Variants in MAP3K13 observed in about 807,000 individuals in gnomAD.
MAP3K13 encodes leucine zipper-bearing kinase.
A neutral mutation model predicts 104.0 loss-of-function variants in MAP3K13; 52 were observed. The ratio of observed to expected loss-of-function variants is 0.50; its 90% CI spans 0.40 to 0.63. The LOEUF (loss-of-function observed/expected upper bound fraction) is 0.63. Among genes scored for constraint, MAP3K13 ranks in the 20% least tolerant of loss-of-function variants. The probability of loss-of-function intolerance (pLI) is 0.00; values close to 1 mark genes in which losing one functional copy is unlikely to be tolerated. For synonymous variants in MAP3K13, 394 were observed against 442.2 expected (o/e 0.89, Z 1.37); for missense variants, 914 against 1,218.5 (o/e 0.75, Z 3.72).
At chr3:185,341,009 A>G (rs139564426) in intron 2 of MAP3K13, among the ~76,000 whole-genome samples, 7 of 147,532 alleles carry the variant, frequency 4.7e-5, no homozygotes, top group African/African-American at 1.5e-4. Context: ...TAACTTAACT[A>G]ATGTAATACT....
intron 2 of MAP3K13, among the ~76,000 whole-genome samples, chr3:185,432,178 C>G (rs1048058152): frequency 4.4e-5 from 6 of 137,762 alleles, no homozygotes; most frequent in African/African-American, 1.6e-4. Context: ...ATAACCATTT[C>G]TAATTGCTTT....
chr3:185,396,573 AATGAAATTAAAATGT>A (rs1455940500), intron 1 of MAP3K13, among the ~76,000 whole-genome samples: 1 of 152,198 alleles, frequency 6.6e-6, no homozygotes, highest in East Asian at 1.9e-4. Context: ...ATGAGGCTCA[AATGAAATTAAAATGT>A]ATGAAATTAC....
At chr3:185,383,375 C>A (rs56796831) in intron 1 of MAP3K13, among the ~76,000 whole-genome samples, 13,468 of 151,782 alleles carry the variant, frequency 0.089, 985 homozygotes, top group African/African-American at 0.19. Flanking sequence ...TGGGTATATA[C>A]CAGTAATGGG....
Position 185,482,399 on chromosome 3 carries a change from G to A in MAP3K13, c.2844G>A (p.Gly948=). 9.3e-6 allele frequency: 15 copies of A among 1,614,068 alleles called. No homozygotes were observed. Among genetic ancestry groups the A allele is most frequent in the Non-Finnish European group, 1.3e-5 (15 of 1,179,974 alleles). ...AATCGGACTGTGACTCTTCAGATGG[G>A]GAGTGTTCTGATGCCACAGTTAGGA... ...FEESDCDSSD[G]ECSDATVRTN... is the part of the protein sequence containing the mutation. The change falls in exon 14 of 14, where the codon GGG becomes GGA. Residue 948 remains glycine, a synonymous_variant. Coordinates refer to ENST00000265026, the MANE Select transcript of MAP3K13 (RefSeq NM_004721.5). The surrounding 1 kb of genome is among the most constrained non-coding windows in gnomAD (Gnocchi z 4.5).
At chr3:185,358,196 T>G (rs976797683), upstream of MAP3K13, among the ~76,000 whole-genome samples, 4 of 152,310 alleles carry the variant, frequency 2.6e-5, no homozygotes, top group Non-Finnish European at 5.9e-5. Flanking sequence ...TTTTAAAGCA[T>G]ATGAATTTTA....
chr3:185,311,586 C>A (rs1269970942), intron 2 of MAP3K13, among the ~76,000 whole-genome samples: 1 of 152,170 alleles, frequency 6.6e-6, no homozygotes, highest in Non-Finnish European at 1.5e-5. Flanking sequence ...ATTTTCTTGG[C>A]AGCCTGGGGA....
At chr3:185,373,898 C>A (rs62290179) in intron 1 of MAP3K13, among the ~76,000 whole-genome samples, 36,021 of 146,032 alleles carry the variant, frequency 0.25, 4,444 homozygotes, top group Admixed American at 0.3. Flanking sequence ...GCTGAGTCCG[C>A]AAAAGGAGTC....
intron 2 of MAP3K13, among the ~76,000 whole-genome samples, chr3:185,300,947 C>A (rs1721083494): frequency 6.6e-6 from 1 of 152,034 alleles, no homozygotes; most frequent in African/African-American, 2.4e-5. Flanking sequence ...GTTTTGAATT[C>A]TTTTGGATAT....
At chr3:185,344,492 C>T (rs1722841377) in intron 2 of MAP3K13, among the ~76,000 whole-genome samples, 1 of 152,182 alleles carries the variant, frequency 6.6e-6, no homozygotes, top group African/African-American at 2.4e-5. Flanking sequence ...CTCTGCTATA[C>T]ACTATACATG....
At chr3:185,432,651 C>T (rs1714814140) in intron 2 of MAP3K13, among the ~76,000 whole-genome samples, 1 of 152,156 alleles carries the variant, frequency 6.6e-6, no homozygotes, top group South Asian at 2.1e-4. Context: ...CCAAGTGCAT[C>T]ACTGAGGTTC....
intron 1 of MAP3K13, among the ~76,000 whole-genome samples, chr3:185,387,478 T>C (rs1376557351): frequency 4.6e-5 from 7 of 152,118 alleles, no homozygotes; most frequent in African/African-American, 2.4e-5. Flanking sequence ...TTTTGAGGCA[T>C]CAGAATCAGG....
At chr3:185,355,466 C>CAAAA (rs10554957) in intron 2 of MAP3K13, among the ~76,000 whole-genome samples, 29 of 135,970 alleles carry the variant, frequency 2.1e-4, no homozygotes, top group African/African-American at 6.9e-4. Context: ...AACTCTGTCT[C>CAAAA]AAAAAAAAAA....
intron 2 of MAP3K13, among the ~76,000 whole-genome samples, chr3:185,356,906 G>GTATT (rs777898292): frequency 6.9e-6 from 1 of 145,312 alleles, no homozygotes; most frequent in Non-Finnish European, 1.5e-5. Context: ...ATGTATGTAT[G>GTATT]TATTTATGTA....
intron 7 of MAP3K13, among the ~76,000 whole-genome samples, chr3:185,455,970 T>A (rs1439382792): frequency 6.8e-6 from 1 of 146,642 alleles, no homozygotes; most frequent in Non-Finnish European, 1.5e-5. Context: ...ATGATATGTA[T>A]GAGATATATA....
rs1389782488 is a variant in MAP3K13 at position 185,392,745 on chromosome 3, G to A, written c.-86+29377G>A. On this transcript the variant is annotated intron_variant, in intron 1 of 13. Coordinates refer to ENST00000265026, the MANE Select transcript of MAP3K13 (RefSeq NM_004721.5). ...GACTACAGACAACGGTACAATTAGTGAGAATTAAAATAATCTAGGCTGACC... is the reference window on the plus strand; with the variant it reads ...GACTACAGACAACGGTACAATTAGTAAGAATTAAAATAATCTAGGCTGACC... Among the ~76,000 whole-genome samples, 6 of 152,038 alleles carry A rather than the reference G, an allele frequency of 3.9e-5. No individual in the cohort carries two copies. In the East Asian group the frequency reaches 1.2e-3, roughly 29 times the overall value.
At chr3:185,411,978 T>C (rs1370448477) in intron 1 of MAP3K13, among the ~76,000 whole-genome samples, 1 of 152,020 alleles carries the variant, frequency 6.6e-6, no homozygotes, top group Non-Finnish European at 1.5e-5. Context: ...GATATGGGGT[T>C]TCACCACGTT....
In MAP3K13 at chr3:185,303,425, G is replaced by C. The variant is rs1033284688; in HGVS notation, c.-86+17782G>C. On this transcript the variant is annotated intron_variant, in intron 2 of 14. Coordinates refer to the MAP3K13 transcript ENST00000424227. ...TCTTCTTTAAATGTGTGGTAGAATT[G>C]TCCATTGAAGGCATCTGGTCCTGGC... is the stretch of plus-strand genomic sequence containing the variant. Among the ~76,000 whole-genome samples, 3 of 152,228 alleles carry C rather than the reference G, an allele frequency of 2.0e-5. No homozygotes were observed. In the East Asian group the frequency reaches 5.8e-4, roughly 29 times the overall value.
intron 10 of MAP3K13, among the ~76,000 whole-genome samples, chr3:185,469,812 G>T (rs186648929): frequency 2.0e-4 from 31 of 152,312 alleles, no homozygotes; most frequent in African/African-American, 7.0e-4. Flanking sequence ...TGATTTGTAT[G>T]TGCCTTCAAG....
At chr3:185,305,524 T>C (rs1265677842) in intron 2 of MAP3K13, among the ~76,000 whole-genome samples, 1 of 152,202 alleles carries the variant, frequency 6.6e-6, no homozygotes, top group African/African-American at 2.4e-5. Flanking sequence ...TTAAAAGTGA[T>C]TTATGTGCCA....
Sources: allele counts gnomAD v4.1 joint callset (sites outside exome capture counted in the v4.1 genomes callset), GRCh38; gene constraint gnomAD v4.1.1; non-coding constraint Gnocchi (gnomAD v3.1); transcripts MANE v1.5; gene names NCBI Gene and HGNC (gene_info 2026-07-23, HGNC 2026-07-21).